SEMA7A: variants seen among roughly 807,000 people sequenced by gnomAD.
SEMA7A encodes the protein semaphorin 7A (JohnMiltonHagen blood group).
In SEMA7A, 21 loss-of-function variants were observed where a neutral mutation model predicts 67.5. That is an observed-to-expected ratio of 0.31 (90% CI 0.22 to 0.45). The LOEUF (loss-of-function observed/expected upper bound fraction) is 0.45, where lower values mean the gene tolerates loss of function less well. Ranked by LOEUF, SEMA7A falls within the 20% of genes least tolerant of loss-of-function variation. The pLI, the probability that SEMA7A is intolerant of heterozygous loss-of-function variation, is 1.00. For missense variants in SEMA7A, 774 were observed against 908.6 expected (o/e 0.85, Z 1.90); for synonymous variants, 364 against 368.5 (o/e 0.99, Z 0.14).
rs920929307 is a variant in SEMA7A, at chr15:74,414,045, G to A, written c.1294+502C>T. On this transcript the variant is annotated intron_variant, in intron 10 of 13. Transcript: ENST00000261918. This position sits in a 1 kb window ranked among gnomAD's most constrained non-coding sequence, Gnocchi z 4.1. ...GAGAAGCTGCCCCTGTCCTCTGTGAGATGGCAAAGGTTCTGCCCCCTGGAA... is the reference window on the plus strand; with the variant it reads ...GAGAAGCTGCCCCTGTCCTCTGTGAAATGGCAAAGGTTCTGCCCCCTGGAA... 3.9e-5 allele frequency among the ~76,000 whole-genome samples: 6 copies of A among 152,184 alleles called. No individual in the cohort carries two copies. Among genetic ancestry groups the A allele is most frequent in the African/African-American group, 1.4e-4 (6 of 41,436 alleles).
At chr15:74,420,471 G>C (rs940106790) in intron 1 of SEMA7A, among the ~76,000 whole-genome samples, 1 of 152,200 alleles carries the variant, frequency 6.6e-6, no homozygotes, top group African/African-American at 2.4e-5. Context: ...TCCTTGGGTG[G>C]TGTGGCTCTC....
At chr15:74,417,299 C>T in intron 6 of SEMA7A, 36 bp downstream of exon 6, 1 of 1,552,138 alleles carries the variant, frequency 6.4e-7, no homozygotes, top group Non-Finnish European at 8.9e-7. Context: ...CTCACACCCC[C>T]TTGCCCACCC....
At chr15:74,432,333 T>C (rs144642638) in intron 1 of SEMA7A, among the ~76,000 whole-genome samples, 17 of 152,252 alleles carry the variant, frequency 1.1e-4, no homozygotes, top group Admixed American at 6.5e-4. Context: ...GCCTCCTCCA[T>C]GTACAGGCGG....
Position 74,410,982 on chromosome 15 carries a change from T to G in SEMA7A, c.1643A>C (p.Lys548Thr), listed in dbSNP as rs1236438882. 1 of 1,610,610 alleles carries G rather than the reference T, an allele frequency of 6.2e-7. No homozygotes were observed. Among genetic ancestry groups the G allele is most frequent in the Non-Finnish European group, 8.5e-7 (1 of 1,177,990 alleles). Residue 548 changes from lysine (K) to threonine (T), a missense_variant, in exon 14 of 14, where the codon AAG (lysine) becomes ACG (threonine). By Grantham distance (78) the Lys-to-Thr change is moderately conservative. Around this residue, in one of 2 missense-constraint regions of SEMA7A, gnomAD observed 427 missense variants for 555.4 expected, o/e 0.77. Transcript: ENST00000261918. This position sits in a 1 kb window ranked among gnomAD's most constrained non-coding sequence, Gnocchi z 7.5. ...CAGGGAAACCTTCTGCAGTGGGGCCTTGTCTGGGGAGGCAGTGGGGAAGCA... is the reference window on the plus strand; with the variant it reads ...CAGGGAAACCTTCTGCAGTGGGGCCGTGTCTGGGGAGGCAGTGGGGAAGCA... ...HKECPNPKPD[K>T]APLQKVSLAP...
Position 74,410,347 on chromosome 15 carries a change from T to G in SEMA7A, c.*277A>C. The G allele has an allele frequency of 6.8e-6, 3 of 438,158 alleles. No homozygotes were observed. The highest frequency in any genetic ancestry group is 5.7e-5 in the South Asian group (1 of 17,492). 27.1% of individuals were successfully genotyped at this position (438,158 alleles called of 1,614,324 possible). On this transcript the variant is annotated 3_prime_UTR_variant, in exon 14 of 14. Transcript: ENST00000261918. This position sits in a 1 kb window ranked among gnomAD's most constrained non-coding sequence, Gnocchi z 7.5. ...GCTGCATTTAGTCAAGTTTGAGGAG[T>G]CTGAAAAATATTTTCCAGAAGATAA...
At chr15:74,412,605 A>AG (rs1161200901) in intron 10 of SEMA7A, among the ~76,000 whole-genome samples, 1 of 152,094 alleles carries the variant, frequency 6.6e-6, no homozygotes, top group Admixed American at 6.6e-5. Context: ...AAAGTTGCAA[A>AG]GATAGTACAG....
chr15:74,431,919 A>T (rs1407655747), intron 1 of SEMA7A, among the ~76,000 whole-genome samples: 1 of 152,246 alleles, frequency 6.6e-6, no homozygotes, highest in East Asian at 1.9e-4. Flanking sequence ...GGGCACAGCC[A>T]GTGTGGCTAC....
intron 4 of SEMA7A, 53 bp from the exon 5 acceptor site, chr15:74,417,728 C>G (rs2060964117): frequency 6.4e-7 from 1 of 1,559,338 alleles, no homozygotes. Flanking sequence ...GCCACTGCCT[C>G]CCATGACGGC....
intron 1 of SEMA7A, among the ~76,000 whole-genome samples, chr15:74,430,384 C>T (rs1352834796): frequency 6.6e-6 from 1 of 152,190 alleles, no homozygotes; most frequent in African/African-American, 2.4e-5. Context: ...GACATTAAAT[C>T]TCAGAAAAGG....
intron 1 of SEMA7A, among the ~76,000 whole-genome samples, chr15:74,429,985 C>T (rs1567079721): frequency 1.3e-5 from 2 of 152,140 alleles, no homozygotes; most frequent in African/African-American, 4.8e-5. Flanking sequence ...GTGCCCATAA[C>T]TGCTCTCTGT....
Position 74,414,482 on chromosome 15 carries a change from T to C in SEMA7A, c.1294+65A>G. ...AGATCCAACCAGATGTTAACTACAT[T>C]ATTCCTTACACCTTTCATGCCCGTT... On this transcript the variant is annotated intron_variant, in intron 10 of 13. Coordinates refer to ENST00000261918, the MANE Select transcript of SEMA7A (RefSeq NM_003612.5). This position sits in a 1 kb window ranked among gnomAD's most constrained non-coding sequence, Gnocchi z 4.1. 6.9e-7 allele frequency: 1 copy of C among 1,458,072 alleles called. No homozygotes were observed. Among genetic ancestry groups the C allele is most frequent in the South Asian group, 1.2e-5 (1 of 85,072 alleles). 90.3% of individuals were successfully genotyped at this position (1,458,072 alleles called of 1,614,324 possible).
intron 6 of SEMA7A, 54 bp from the exon 7 acceptor site, chr15:74,416,768 C>T (rs945170358): frequency 6.2e-5 from 98 of 1,587,944 alleles, no homozygotes; most frequent in Non-Finnish European, 7.8e-5. Context: ...CCCGGGAGAC[C>T]ATCCCAACCC....
chr15:74,414,289 CAG>C lies in SEMA7A; in HGVS notation c.1294+256_1294+257del, dbSNP rs1313547302. 4.6e-5 allele frequency among the ~76,000 whole-genome samples: 7 copies of C among 152,268 alleles called. No individual in the cohort carries two copies. In the South Asian group the frequency reaches 1.2e-3, roughly 27 times the overall value. ...GACCAAAGGTGCACCTGGCTTTGCT[CAG>C]ACTCTCCAGATTTCCGCCTCCAAAT... On this transcript the variant is annotated intron_variant, in intron 10 of 13. Coordinates refer to ENST00000261918, the MANE Select transcript of SEMA7A (RefSeq NM_003612.5). The surrounding 1 kb of genome is among the most constrained non-coding windows in gnomAD (Gnocchi z 4.1).
chr15:74,417,389 ACCGAGGGATCTTCCCATTGTATTCC>A lies in SEMA7A; in HGVS notation c.582_606del (p.Gln194HisfsTer84). On this transcript the variant is annotated frameshift_variant, in exon 6 of 14. Coordinates refer to ENST00000261918, the MANE Select transcript of SEMA7A (RefSeq NM_003612.5). LOFTEE classifies it high-confidence loss of function. ...TCACTCTCGCCCCGGATGCGGCGGA[ACCGAGGGATCTTCCCATTGTATTCC>A]TGCTTCCGGATGGTGGAATACACCT... 6.2e-7 allele frequency: 1 copy of A among 1,614,058 alleles called. No individual in the cohort carries two copies. Among genetic ancestry groups the A allele is most frequent in the Non-Finnish European group, 8.5e-7 (1 of 1,180,016 alleles).
Position 74,411,584 on chromosome 15 carries a change from G to A in SEMA7A, c.1549C>T (p.Arg517Cys), listed in dbSNP as rs563160253. Reference sequence around the variant, plus strand: ...TCGGAGCTGTAGATGGAGATGCAGCGGCCTTGGTCCCAGCCGCAGTAGGGG... The same window carrying A: ...TCGGAGCTGTAGATGGAGATGCAGCAGCCTTGGTCCCAGCCGCAGTAGGGG... ...RDPYCGWDQG[R>C]CISIYSSERS... Residue 517 changes from arginine (R) to cysteine (C), a missense_variant, in exon 12 of 14, where the codon CGC becomes TGC. Arg to Cys is a radical substitution (Grantham distance 180, BLOSUM62 -3). Coordinates refer to ENST00000261918, the MANE Select transcript of SEMA7A (RefSeq NM_003612.5). The surrounding 1 kb of genome is among the most constrained non-coding windows in gnomAD (Gnocchi z 4.4). 3.8e-6 allele frequency: 6 copies of A among 1,583,202 alleles called. No homozygotes were observed. Among genetic ancestry groups the A allele is most frequent in the Admixed American group, 3.6e-5 (2 of 55,956 alleles).
intron 10 of SEMA7A, among the ~76,000 whole-genome samples, chr15:74,412,641 T>A (rs1036708133): frequency 3.9e-5 from 6 of 152,292 alleles, no homozygotes; most frequent in Middle Eastern, 3.4e-3. Context: ...CCTTCTCCAG[T>A]TCCCCCTAAT....
At chr15:74,429,161 T>G (rs150457668) in intron 1 of SEMA7A, among the ~76,000 whole-genome samples, 1 of 152,260 alleles carries the variant, frequency 6.6e-6, no homozygotes, top group East Asian at 1.9e-4. Context: ...AGTGGAAACT[T>G]TTCAGTCCAG....
chr15:74,410,289 C>A lies in SEMA7A; in HGVS notation c.*335G>T, dbSNP rs927010316. On this transcript the variant is annotated 3_prime_UTR_variant, in exon 14 of 14. Transcript: ENST00000261918. This position sits in a 1 kb window ranked among gnomAD's most constrained non-coding sequence, Gnocchi z 7.5. ...CCCAGCTCTCCTATCCAAACCCACT[C>A]CCCGACCCATGGGCTCTTGGGCTGG... is the stretch of plus-strand genomic sequence containing the variant. 3.5e-5 allele frequency: 10 copies of A among 282,098 alleles called. No individual in the cohort carries two copies. Among genetic ancestry groups the A allele is most frequent in the African/African-American group, 2.0e-4 (9 of 45,430 alleles). 17.5% of individuals were successfully genotyped at this position (282,098 alleles called of 1,614,324 possible). A position where few individuals can be genotyped will look rare whatever the true frequency, so the allele number is the denominator to read the frequency against.
chr15:74,430,342 C>A (rs1478359327), intron 1 of SEMA7A, among the ~76,000 whole-genome samples: 1 of 152,220 alleles, frequency 6.6e-6, no homozygotes, highest in Non-Finnish European at 1.5e-5. Context: ...CTCTGCCCAG[C>A]CCCTCCCATC....
Sources: gnomAD v4.1 joint callset for allele counts (sites outside exome capture counted in the v4.1 genomes callset) on GRCh38, gnomAD v4.1.1 for gene constraint, gnomAD v4.1.1 regional missense constraint, Gnocchi (gnomAD v3.1) non-coding constraint, MANE v1.5 for transcripts, NCBI Gene and HGNC (gene_info 2026-07-23, HGNC 2026-07-21) for gene names.